The following LHFPL2 variants were observed in gnomAD, a reference collection of about 807,000 sequenced individuals.
LHFPL2 encodes LHFPL tetraspan subfamily member 2 protein.
Under a neutral mutation model 17.5 loss-of-function variants are expected in LHFPL2, and 7 were observed. That is an observed-to-expected ratio of 0.40 (90% CI 0.23 to 0.75). The LOEUF (loss-of-function observed/expected upper bound fraction) is 0.75, where lower values mean the gene tolerates loss of function less well. Among genes scored for constraint, LHFPL2 ranks in the 30% least tolerant of loss-of-function variants. The pLI, the probability that LHFPL2 is intolerant of heterozygous loss-of-function variation, is 0.37. For synonymous variants in LHFPL2, 134 were observed against 116.2 expected (o/e 1.15, Z -0.99); for missense variants, 241 against 294.8 (o/e 0.82, Z 1.34).
At chr5:78,566,346 T>C (rs1756859004) in intron 2 of LHFPL2, among the ~76,000 whole-genome samples, 1 of 152,254 alleles carries the variant, frequency 6.6e-6, no homozygotes, top group Non-Finnish European at 1.5e-5. Flanking sequence ...AAAAACGTCA[T>C]TTTAGTTTAG....
intron 3 of LHFPL2, among the ~76,000 whole-genome samples, chr5:78,525,891 C>A (rs1580775444): frequency 6.6e-6 from 1 of 152,178 alleles, no homozygotes; most frequent in East Asian, 1.9e-4. Flanking sequence ...TAATATGGCT[C>A]AACACCAAGG....
intron 4 of LHFPL2, among the ~76,000 whole-genome samples, chr5:78,498,865 A>G (rs931752851): frequency 6.6e-5 from 10 of 152,266 alleles, no homozygotes; most frequent in African/African-American, 2.4e-4. Context: ...TTACTGTGAC[A>G]TAGATGCACT....
chr5:78,615,359 G>A (rs1425755074), intron 2 of LHFPL2, among the ~76,000 whole-genome samples: 1 of 152,078 alleles, frequency 6.6e-6, no homozygotes, highest in Non-Finnish European at 1.5e-5. Flanking sequence ...AGGAAGGAGA[G>A]ACACTGGGAA....
At chr5:78,518,658 A>G (rs1755358796) in intron 3 of LHFPL2, among the ~76,000 whole-genome samples, 1 of 152,234 alleles carries the variant, frequency 6.6e-6, no homozygotes, top group African/African-American at 2.4e-5. Flanking sequence ...GTAATGACTC[A>G]GGAATGTGCC....
chr5:78,640,304 A>G (rs963293221), intron 1 of LHFPL2, among the ~76,000 whole-genome samples: 1 of 152,188 alleles, frequency 6.6e-6, no homozygotes, highest in African/African-American at 2.4e-5. Context: ...CTCAAATCAC[A>G]CTTAAAATGT....
At chr5:78,646,497 T>C (rs951532818) in intron 1 of LHFPL2, among the ~76,000 whole-genome samples, 2 of 152,234 alleles carry the variant, frequency 1.3e-5, no homozygotes, top group Non-Finnish European at 2.9e-5. Flanking sequence ...ATCATCACCA[T>C]TTTATAGACA....
At chr5:78,498,593 G>T (rs751615671) in intron 4 of LHFPL2, among the ~76,000 whole-genome samples, 2 of 152,098 alleles carry the variant, frequency 1.3e-5, no homozygotes, top group Non-Finnish European at 2.9e-5. Context: ...ACATGTATCA[G>T]ACCACATCCA....
At chr5:78,575,392 C>CA (rs1436148038) in intron 2 of LHFPL2, among the ~76,000 whole-genome samples, 1 of 151,732 alleles carries the variant, frequency 6.6e-6, no homozygotes, top group Non-Finnish European at 1.5e-5. Context: ...ACTAAAAATA[C>CA]AAAAAAATTA....
At chr5:78,601,125 A>G (rs1191564296) in intron 2 of LHFPL2, among the ~76,000 whole-genome samples, 2 of 152,242 alleles carry the variant, frequency 1.3e-5, no homozygotes, top group African/African-American at 4.8e-5. Flanking sequence ...GAAGCCTCAG[A>G]GGAAAAACTG....
At chr5:78,592,727 TACACAC>T (rs61193086) in intron 2 of LHFPL2, among the ~76,000 whole-genome samples, 3 of 30,860 alleles carry the variant, frequency 9.7e-5, no homozygotes, top group Admixed American at 2.3e-4. Context: ...AAAATTCAGA[TACACAC>T]ACACACACAC....
At chr5:78,613,997 T>C (rs1396379044) in intron 2 of LHFPL2, among the ~76,000 whole-genome samples, 1 of 152,198 alleles carries the variant, frequency 6.6e-6, no homozygotes, top group Non-Finnish European at 1.5e-5. Context: ...CAAATGCCAC[T>C]TCATCACAAT....
chr5:78,561,751 T>A lies in LHFPL2; in HGVS notation c.-186+3062A>T, dbSNP rs935826492. ...GCCCCAGTCTTCAAACAGTACATCA[T>A]TTACTCTCAGAGAAATCAGGTGAGA... On this transcript the variant is annotated intron_variant, in intron 3 of 4. Transcript: ENST00000380345. Among the ~76,000 whole-genome samples, 3 of 152,150 alleles carry A rather than the reference T, an allele frequency of 2.0e-5. 1 individual carries two copies. The highest frequency in any genetic ancestry group is 7.2e-5 in the African/African-American group (3 of 41,424).
chr5:78,548,786 A>G (rs991600968), intron 3 of LHFPL2, among the ~76,000 whole-genome samples: 20 of 152,182 alleles, frequency 1.3e-4, no homozygotes, highest in African/African-American at 4.8e-4. Flanking sequence ...GCTGTTCCTC[A>G]TGTGCCAAAC....
At chr5:78,572,754 C>T (rs1295030796) in intron 2 of LHFPL2, among the ~76,000 whole-genome samples, 1 of 151,940 alleles carries the variant, frequency 6.6e-6, no homozygotes, top group African/African-American at 2.4e-5. Context: ...ATAGATAATC[C>T]TGCATTATCT....
At chr5:78,641,575 A>C (rs1211129900) in intron 1 of LHFPL2, among the ~76,000 whole-genome samples, 1 of 152,202 alleles carries the variant, frequency 6.6e-6, no homozygotes, top group Non-Finnish European at 1.5e-5. Flanking sequence ...GGAAGTCTTA[A>C]ATAAAGTTTG....
chr5:78,578,230 G>A (rs2112436958), intron 2 of LHFPL2, among the ~76,000 whole-genome samples: 1 of 152,304 alleles, frequency 6.6e-6, no homozygotes, highest in South Asian at 2.1e-4. Context: ...GGAAATGCCA[G>A]CACATTATCT....
intron 2 of LHFPL2, among the ~76,000 whole-genome samples, chr5:78,617,254 T>A (rs903365362): frequency 3.3e-5 from 5 of 152,128 alleles, no homozygotes; most frequent in Non-Finnish European, 1.5e-5. Context: ...GGTCTCAAAC[T>A]CCTGACCTTA....
chr5:78,593,187 G>A (rs1423773990), intron 2 of LHFPL2, among the ~76,000 whole-genome samples: 1 of 152,138 alleles, frequency 6.6e-6, no homozygotes, highest in Non-Finnish European at 1.5e-5. Flanking sequence ...GCTGCTCACA[G>A]TGAGTGCTTT....
At chr5:78,604,724 C>T (rs1744149275) in intron 2 of LHFPL2, among the ~76,000 whole-genome samples, 1 of 152,202 alleles carries the variant, frequency 6.6e-6, no homozygotes. Flanking sequence ...CCTGTCTGCA[C>T]TGTAGCTTCT....
Sources: gnomAD v4.1 joint callset for allele counts (sites outside exome capture counted in the v4.1 genomes callset) on GRCh38, gnomAD v4.1.1 for gene constraint, MANE v1.5 for transcripts, NCBI Gene and HGNC (gene_info 2026-07-23, HGNC 2026-07-21) for gene names.